EFR3B: variants seen among roughly 807,000 people sequenced by gnomAD.
EFR3B encodes the protein EFR3 homolog B.
Under a neutral mutation model 104.7 loss-of-function variants are expected in EFR3B, and 64 were observed. The ratio of observed to expected loss-of-function variants is 0.61; its 90% CI spans 0.50 to 0.75. EFR3B has a LOEUF of 0.75. EFR3B is among the 30% of genes least tolerant of loss of function. The pLI, the probability that EFR3B is intolerant of heterozygous loss-of-function variation, is 0.00. For missense variants in EFR3B, 750 were observed against 1,078.5 expected, an observed-to-expected ratio of 0.70 and a Z score of 4.27; for synonymous variants, 385 against 417.9, an observed-to-expected ratio of 0.92 and a Z score of 0.96.
intron 1 of EFR3B, among the ~76,000 whole-genome samples, chr2:25,069,668 A>C (rs1440292291): frequency 6.6e-6 from 1 of 152,184 alleles, no homozygotes; most frequent in East Asian, 1.9e-4. Flanking sequence ...ATTAAGGGGC[A>C]GTATGTGCAG....
rs143584289 is a variant in EFR3B, at chr2:25,121,964, GTTTT to G, written c.485+181_485+184del. Among the ~76,000 whole-genome samples the G allele has an allele frequency of 1.2e-4, 17 of 141,880 alleles. No individual in the cohort carries two copies. The East Asian group carries it at 3.4e-3, about 29-fold the overall frequency. 93.1% of individuals were successfully genotyped at this position (141,880 alleles called of 152,430 possible). ...ACCCAGCTCCCTACATGTGGTTTCT[GTTTT>G]TTTTTTTTTTCTTTTTGAGACCGAG... On this transcript the variant is annotated intron_variant, in intron 5 of 22. Coordinates refer to ENST00000403714, the MANE Select transcript of EFR3B (RefSeq NM_014971.2).
intron 1 of EFR3B, among the ~76,000 whole-genome samples, chr2:25,085,160 C>A (rs1409490653): frequency 6.6e-6 from 1 of 152,190 alleles, no homozygotes; most frequent in Non-Finnish European, 1.5e-5. Context: ...TAATTTCTCT[C>A]TTTTTCGATT....
At position 25,083,727 on chromosome 2, in the gene EFR3B, C is replaced by G. The variant is rs141887182; in HGVS notation, c.8-7598C>G. On this transcript the variant is annotated intron_variant, in intron 1 of 22. Transcript: ENST00000403714. ...GTGTGGAGTATTGCACAGGGCCAGA[C>G]AGTAAGAAAAGGGAAGAGCTAGAAT... Among the ~76,000 whole-genome samples, 15 of 152,304 alleles carry G rather than the reference C, an allele frequency of 9.8e-5. No homozygotes were observed. In the East Asian group the frequency reaches 2.7e-3, roughly 27 times the overall value.
intron 1 of EFR3B, among the ~76,000 whole-genome samples, chr2:25,090,251 C>T (rs866066656): frequency 6.6e-6 from 1 of 152,192 alleles, no homozygotes; most frequent in Non-Finnish European, 1.5e-5. Flanking sequence ...CCCCCCGGGC[C>T]CCTCCCTGAA....
intron 1 of EFR3B, among the ~76,000 whole-genome samples, chr2:25,057,454 A>G (rs1668054809): frequency 6.6e-6 from 1 of 151,918 alleles, no homozygotes; most frequent in Non-Finnish European, 1.5e-5. Flanking sequence ...TTCCAACGTT[A>G]TTCTCTTATA....
chr2:25,072,180 G>A (rs1342031449), intron 1 of EFR3B, among the ~76,000 whole-genome samples: 1 of 152,226 alleles, frequency 6.6e-6, no homozygotes, highest in Non-Finnish European at 1.5e-5. Flanking sequence ...CTGCGTGTTG[G>A]CAGTTGTGGA....
At chr2:25,124,664 C>A (rs947970201) in intron 5 of EFR3B, among the ~76,000 whole-genome samples, 2 of 149,238 alleles carry the variant, frequency 1.3e-5, no homozygotes, top group East Asian at 3.9e-4. Context: ...TGTGTAAACC[C>A]GGAGGCAGAG....
Position 25,137,543 on chromosome 2 carries a change from G to C in EFR3B, c.1722+41G>C. The C allele has an allele frequency of 6.4e-7, 1 of 1,550,522 alleles. No homozygotes were observed. Among genetic ancestry groups the C allele is most frequent in the Non-Finnish European group, 8.7e-7 (1 of 1,146,170 alleles). ...CGCAGGGCATGGGGCTTGGGATCAGGGGAGGGACTTGTTTTGGGCAAGCCC... is the reference window on the plus strand; with the variant it reads ...CGCAGGGCATGGGGCTTGGGATCAGCGGAGGGACTTGTTTTGGGCAAGCCC... On this transcript the variant is annotated intron_variant, in intron 15 of 22. Transcript: ENST00000403714. The surrounding 1 kb of genome is among the most constrained non-coding windows in gnomAD (Gnocchi z 4.7).
chr2:25,132,464 A>G (rs1257738939), intron 10 of EFR3B, among the ~76,000 whole-genome samples: 1 of 152,138 alleles, frequency 6.6e-6, no homozygotes, highest in Non-Finnish European at 1.5e-5. Flanking sequence ...TAGCCATGTG[A>G]GCTTCCCTTC....
At chr2:25,071,259 CT>C (rs57922304) in intron 1 of EFR3B, among the ~76,000 whole-genome samples, 155 of 116,950 alleles carry the variant, frequency 1.3e-3, no homozygotes, top group African/African-American at 2.2e-3. Context: ...CGTGCCCGGC[CT>C]TTTTTTTTTT....
intron 10 of EFR3B, among the ~76,000 whole-genome samples, chr2:25,132,416 G>A (rs1012321772): frequency 6.6e-6 from 1 of 152,148 alleles, no homozygotes; most frequent in Non-Finnish European, 1.5e-5. Flanking sequence ...TCCTGGGAGC[G>A]GAGATTAGAT....
chr2:25,148,217 C>T (rs925881503), intron 19 of EFR3B, among the ~76,000 whole-genome samples: 2 of 151,322 alleles, frequency 1.3e-5, no homozygotes, highest in Non-Finnish European at 2.9e-5. Context: ...TGGGGTAACT[C>T]CTTGGAACCT....
intron 3 of EFR3B, among the ~76,000 whole-genome samples, chr2:25,096,175 C>G (rs1325303820): frequency 6.6e-6 from 1 of 152,180 alleles, no homozygotes; most frequent in East Asian, 1.9e-4. Flanking sequence ...GCCACCACAC[C>G]TGGCTAATTT....
intron 4 of EFR3B, among the ~76,000 whole-genome samples, chr2:25,117,115 C>T (rs1270737962): frequency 6.6e-6 from 1 of 152,140 alleles, no homozygotes; most frequent in East Asian, 1.9e-4. Flanking sequence ...TGTCCCCGTT[C>T]CACCAGGATC....
At position 25,042,956 on chromosome 2, in the gene EFR3B, TCCA is replaced by T. The variant is rs1464315325; in HGVS notation, c.7+640_7+642del. Among the ~76,000 whole-genome samples the T allele has an allele frequency of 6.6e-6, 1 of 152,166 alleles. No homozygotes were observed. Among genetic ancestry groups the T allele is most frequent in the East Asian group, 1.9e-4 (1 of 5,182 alleles). On this transcript the variant is annotated intron_variant, in intron 1 of 22. Transcript: ENST00000403714. This position sits in a 1 kb window ranked among gnomAD's most constrained non-coding sequence, Gnocchi z 5.4. ...AGCACAGCCCTGACCTCTCCCCGCC[TCCA>T]CCGCCATCCCCTCAACTGCCGTGCA...
Position 25,155,565 on chromosome 2 carries a change from C to T in EFR3B, c.*1225C>T, listed in dbSNP as rs1573244777. Reference sequence around the variant, plus strand: ...GCTAACGCGGAGCCGGGCAGAGCCACCCAGGAGGCAGTTTGTTGCCTTCTT... The same window carrying T: ...GCTAACGCGGAGCCGGGCAGAGCCATCCAGGAGGCAGTTTGTTGCCTTCTT... On this transcript the variant is annotated 3_prime_UTR_variant, in exon 23 of 23. Coordinates refer to ENST00000403714, the MANE Select transcript of EFR3B (RefSeq NM_014971.2). 1 of 152,164 alleles carries T rather than the reference C, an allele frequency of 6.6e-6. No homozygotes were observed. The highest frequency in any genetic ancestry group is 1.9e-4 in the East Asian group (1 of 5,192). The allele number at this position is 152,164 out of a possible 1,614,324, so 9.4% of individuals were successfully genotyped here. A position where few individuals can be genotyped will look rare whatever the true frequency, so the allele number is the denominator to read the frequency against.
At chr2:25,065,792 C>G (rs1240089380) in intron 1 of EFR3B, among the ~76,000 whole-genome samples, 1 of 152,182 alleles carries the variant, frequency 6.6e-6, no homozygotes, top group Non-Finnish European at 1.5e-5. Flanking sequence ...TGATGATGGC[C>G]TCTGCTCTGG....
chr2:25,072,126 G>A (rs1668515239), intron 1 of EFR3B, among the ~76,000 whole-genome samples: 1 of 152,154 alleles, frequency 6.6e-6, no homozygotes, highest in African/African-American at 2.4e-5. Flanking sequence ...CCGGGAGTGG[G>A]GTCCCCGCTT....
intron 3 of EFR3B, among the ~76,000 whole-genome samples, chr2:25,103,124 G>A (rs751367856): frequency 6.6e-6 from 1 of 152,134 alleles, no homozygotes; most frequent in African/African-American, 2.4e-5. Context: ...TGATTTTCTT[G>A]TAGGATTTAT....
Sources: gnomAD v4.1 joint callset for allele counts (sites outside exome capture counted in the v4.1 genomes callset) on GRCh38, gnomAD v4.1.1 for gene constraint, Gnocchi (gnomAD v3.1) non-coding constraint, MANE v1.5 for transcripts, NCBI Gene and HGNC (gene_info 2026-07-23, HGNC 2026-07-21) for gene names.